LARP1B: variants seen among roughly 807,000 people sequenced by gnomAD.
LARP1B encodes La ribonucleoprotein 1B, also known as la-related protein 1B.
LARP1B carries 76 observed loss-of-function variants against 114.2 expected under a neutral mutation model. That is an observed-to-expected ratio of 0.67 (90% CI 0.55 to 0.81). The LOEUF (loss-of-function observed/expected upper bound fraction) is 0.81. Among genes scored for constraint, LARP1B ranks in the 30% least tolerant of loss-of-function variants. The probability of loss-of-function intolerance (pLI) is 0.00; values close to 1 mark genes in which losing one functional copy is unlikely to be tolerated. For missense variants in LARP1B, 1,014 were observed against 1,075.8 expected (o/e 0.94, Z 0.80); for synonymous variants, 345 against 348.0 (o/e 0.99, Z 0.10).
rs2150973448 is a variant in LARP1B, at chr4:128,211,310, A to C, written c.*1257A>C. On this transcript the variant is annotated 3_prime_UTR_variant, in exon 20 of 20. Coordinates refer to ENST00000326639, the MANE Select transcript of LARP1B (RefSeq NM_018078.4). ...ATATTTTGTTGTATTGGCAAAAGCA[A>C]GTGGTTTCCATATGCTAAATTAATT... The C allele has an allele frequency of 1.0e-6, 1 of 970,032 alleles. No homozygotes were observed. The highest frequency in any genetic ancestry group is 1.2e-6 in the Non-Finnish European group (1 of 815,952). 60.1% of individuals were successfully genotyped at this position (970,032 alleles called of 1,614,324 possible).
At chr4:128,128,057 C>CTT (rs1322055360) in intron 11 of LARP1B, among the ~76,000 whole-genome samples, 2 of 152,180 alleles carry the variant, frequency 1.3e-5, no homozygotes, top group Non-Finnish European at 2.9e-5. Flanking sequence ...AACTGGGACT[C>CTT]TGTCAACTTG....
At chr4:128,165,003 G>A (rs1024433048) in intron 12 of LARP1B, among the ~76,000 whole-genome samples, 8 of 151,312 alleles carry the variant, frequency 5.3e-5, no homozygotes, top group African/African-American at 9.7e-5. Context: ...AAAAAGGGAT[G>A]TATAAAATAA....
chr4:128,066,110 C>T (rs1454796795), intron 1 of LARP1B, among the ~76,000 whole-genome samples: 1 of 150,242 alleles, frequency 6.7e-6, no homozygotes, highest in Non-Finnish European at 1.5e-5. Context: ...GCTGGGACTA[C>T]AGGTGTAAGC....
At chr4:128,168,210 T>A (rs1258626950) in intron 12 of LARP1B, among the ~76,000 whole-genome samples, 1 of 152,078 alleles carries the variant, frequency 6.6e-6, no homozygotes, top group African/African-American at 2.4e-5. Context: ...TGTGCCATTT[T>A]ACGTTCTTAC....
chr4:128,101,596 C>G (rs1384895130), intron 8 of LARP1B, among the ~76,000 whole-genome samples: 1 of 147,474 alleles, frequency 6.8e-6, no homozygotes, highest in Non-Finnish European at 1.5e-5. Context: ...GCTCTTAGAG[C>G]AAATATTATG....
intron 12 of LARP1B, among the ~76,000 whole-genome samples, chr4:128,162,822 A>G (rs377348005): frequency 6.6e-6 from 1 of 152,188 alleles, no homozygotes; most frequent in South Asian, 2.1e-4. Flanking sequence ...AGTGAATTTT[A>G]TAATAAAACT....
chr4:128,072,296 C>T (rs974255830), intron 1 of LARP1B, among the ~76,000 whole-genome samples: 3 of 151,906 alleles, frequency 2.0e-5, no homozygotes, highest in Non-Finnish European at 2.9e-5. Context: ...CCACTGTGCC[C>T]GGCCTAAGAG....
At chr4:128,220,590 C>T (rs1053787609) in intron 7 of LARP1B, 1 of 152,430 alleles carries the variant, frequency 6.6e-6, no homozygotes, top group Non-Finnish European at 1.5e-5. Flanking sequence ...GGTAAATTTG[C>T]ATTAGTTATT....
rs545560928 is a variant in LARP1B, at chr4:128,081,608, T to C, written c.218-557T>C. Among the ~76,000 whole-genome samples the C allele has an allele frequency of 1.3e-4, 20 of 152,262 alleles. No individual in the cohort carries two copies. In the South Asian group the frequency reaches 2.5e-3, roughly 19 times the overall value. ...GCTTGAACGCTTTGATGGCTGCTTT[T>C]AGGCCAACTATGGGGATTGTACTTT... On this transcript the variant is annotated intron_variant, in intron 4 of 19. Coordinates refer to ENST00000326639, the MANE Select transcript of LARP1B (RefSeq NM_018078.4).
intron 15 of LARP1B, among the ~76,000 whole-genome samples, chr4:128,193,608 A>T (rs1468118621): frequency 6.6e-6 from 1 of 150,770 alleles, no homozygotes. Context: ...TTTTTATTTT[A>T]TTTTTTTATT....
At chr4:128,197,093 A>G (rs1244282996) in intron 15 of LARP1B, among the ~76,000 whole-genome samples, 2 of 152,184 alleles carry the variant, frequency 1.3e-5, no homozygotes, top group African/African-American at 4.8e-5. Flanking sequence ...GATGGAGATG[A>G]TGAAAAAATT....
rs1332720906 is a variant in LARP1B, at chr4:128,106,929, G to A, written c.814-210G>A. Among the ~76,000 whole-genome samples the A allele has an allele frequency of 6.6e-5, 10 of 152,286 alleles. No homozygotes were observed. The East Asian group carries it at 1.3e-3, about 21-fold the overall frequency. On this transcript the variant is annotated intron_variant, in intron 8 of 19. Coordinates refer to ENST00000326639, the MANE Select transcript of LARP1B (RefSeq NM_018078.4). The stretch of plus-strand genomic sequence containing the variant: ...AATTGTGAAAAATATATCATCTGAA[G>A]TTAAATAAGTGGGAGATCAGGATAT...
chr4:128,101,541 G>A (rs556961213), intron 8 of LARP1B, among the ~76,000 whole-genome samples: 39 of 149,090 alleles, frequency 2.6e-4, no homozygotes, highest in African/African-American at 9.2e-4. Flanking sequence ...TCTATATATT[G>A]TAATTAACAG....
chr4:128,078,458 G>T (rs1430007702), intron 4 of LARP1B, among the ~76,000 whole-genome samples: 1 of 151,934 alleles, frequency 6.6e-6, no homozygotes, highest in Non-Finnish European at 1.5e-5. Context: ...AAAATTAGCC[G>T]AACATCGTGT....
intron 12 of LARP1B, among the ~76,000 whole-genome samples, chr4:128,163,417 A>G (rs964179887): frequency 2.0e-5 from 3 of 152,106 alleles, no homozygotes; most frequent in African/African-American, 7.2e-5. Flanking sequence ...ATAATGCTCT[A>G]TTGTCTCTTT....
intron 11 of LARP1B, among the ~76,000 whole-genome samples, chr4:128,161,462 G>A (rs1054253881): frequency 3.3e-5 from 5 of 152,072 alleles, no homozygotes; most frequent in African/African-American, 4.8e-5. Flanking sequence ...GCTATCCAGG[G>A]CCATCCAGAT....
At chr4:128,161,009 T>A (rs545139296) in intron 11 of LARP1B, among the ~76,000 whole-genome samples, 1 of 152,244 alleles carries the variant, frequency 6.6e-6, no homozygotes, top group Admixed American at 6.5e-5. Context: ...TTCTTTCTTA[T>A]GTTTTTTACT....
At chr4:128,183,333 G>A (rs1372524165) in intron 15 of LARP1B, among the ~76,000 whole-genome samples, 1 of 152,188 alleles carries the variant, frequency 6.6e-6, no homozygotes, top group Non-Finnish European at 1.5e-5. Flanking sequence ...GCTAATGCAG[G>A]TGGTGACTTT....
intron 12 of LARP1B, among the ~76,000 whole-genome samples, chr4:128,166,581 C>T (rs1740915262): frequency 6.6e-6 from 1 of 151,450 alleles, no homozygotes; most frequent in South Asian, 2.1e-4. Context: ...TTTTTTGTGG[C>T]AAGAGCACCT....
Sources: gnomAD v4.1 joint callset for allele counts (sites outside exome capture counted in the v4.1 genomes callset) on GRCh38, gnomAD v4.1.1 for gene constraint, MANE v1.5 for transcripts, NCBI Gene and HGNC (gene_info 2026-07-23, HGNC 2026-07-21) for gene names.